ZW10: variants seen among roughly 807,000 people sequenced by gnomAD.
ZW10 encodes zw10 kinetochore protein.
Under a neutral mutation model 87.8 loss-of-function variants are expected in ZW10, and 53 were observed. The observed-to-expected ratio is 0.60, with a 90% CI of 0.48 to 0.76. ZW10 has a LOEUF of 0.76. ZW10 is among the 30% of genes least tolerant of loss of function. The pLI is 0.00. For missense variants in ZW10, 837 were observed against 923.0 expected (o/e 0.91, Z 1.21); for synonymous variants, 312 against 329.2 (o/e 0.95, Z 0.57).
At chr11:113,766,673 C>CAAAAAA (rs34081366) in intron 2 of ZW10, among the ~76,000 whole-genome samples, 4 of 27,624 alleles carry the variant, frequency 1.4e-4, no homozygotes, top group Non-Finnish European at 1.3e-4. Flanking sequence ...GACTCCATCT[C>CAAAAAA]AAAAAAAAAA....
In ZW10 at chr11:113,758,575, G is replaced by A. The variant is rs1430724336; in HGVS notation, c.712C>T (p.His238Tyr). The A allele has an allele frequency of 2.5e-6, 4 of 1,614,040 alleles. No homozygotes were observed. The highest frequency in any genetic ancestry group is 1.6e-4 in the Middle Eastern group (1 of 6,062). The change falls in exon 6 of 16, where the codon CAC (histidine) becomes TAC (tyrosine). Residue 238 changes from histidine (H) to tyrosine (Y), a missense_variant. By Grantham distance (83) the His-to-Tyr change is moderately conservative. Coordinates refer to ENST00000200135, the MANE Select transcript of ZW10 (RefSeq NM_004724.4). ...TTACCAAATGATTTAAGCTTGCTGT[G>A]TAGTTCTCCAAGAACAGAAAATGCC... Reference protein sequence around the residue: ...LLAFSVLGELHSKLKSFGQML... With the variant: ...LLAFSVLGELYSKLKSFGQML...
In ZW10 at chr11:113,738,350, G is replaced by A; in HGVS notation, c.1798C>T (p.Leu600Phe). 6.2e-7 allele frequency: 1 copy of A among 1,613,560 alleles called. No homozygotes were observed. Among genetic ancestry groups the A allele is most frequent in the South Asian group, 1.1e-5 (1 of 90,968 alleles). ...LAQMRAQKGE[L>F]LERLSSARNF... ...CTAGCACTTGATAATCTTTCCAGAA[G>A]TTCACCTTTCTGTGCCCGCATTTGG... Residue 600 changes from leucine to phenylalanine, a missense_variant, in exon 13 of 16, where the codon CTT (leucine) becomes TTT (phenylalanine). Coordinates refer to ENST00000200135, the MANE Select transcript of ZW10 (RefSeq NM_004724.4).
At chr11:113,748,205 C>G (rs1953700212) in intron 8 of ZW10, 52 bp downstream of exon 8, 3 of 1,475,822 alleles carry the variant, frequency 2.0e-6, no homozygotes, top group Middle Eastern at 1.8e-4. Context: ...CAAAAGACAG[C>G]AATAAGAAAC....
chr11:113,733,815 C>A lies in ZW10; in HGVS notation c.2220-1G>T. ...CAGGGGTCCTTTTCCATCTGCCCAC[C>A]TGCAAAACGAAAGATAGAGTTCCAT... On this transcript the variant is annotated splice_acceptor_variant, in intron 15 of 15. Coordinates refer to ENST00000200135, the MANE Select transcript of ZW10 (RefSeq NM_004724.4). LOFTEE classifies it high-confidence loss of function. 6.3e-7 allele frequency: 1 copy of A among 1,595,820 alleles called. No homozygotes were observed. Among genetic ancestry groups the A allele is most frequent in the Non-Finnish European group, 8.5e-7 (1 of 1,171,038 alleles).
intron 2 of ZW10, among the ~76,000 whole-genome samples, chr11:113,765,042 C>CA (rs1282358687): frequency 6.6e-6 from 1 of 152,110 alleles, no homozygotes; most frequent in Non-Finnish European, 1.5e-5. Context: ...TGGTTTGCAC[C>CA]ATGAGAGAGT....
rs775105302 is a variant in ZW10 at position 113,768,862 on chromosome 11, C to T, written c.211G>A (p.Asp71Asn). The T allele has an allele frequency of 3.3e-5, 54 of 1,614,038 alleles. No individual in the cohort carries two copies. The highest frequency in any genetic ancestry group is 4.3e-5 in the Non-Finnish European group (51 of 1,180,040). The change falls in exon 2 of 16, where the codon GAC becomes AAC. Residue 71 changes from aspartate to asparagine, a missense_variant. By Grantham distance (23) the Asp-to-Asn change is conservative. Coordinates refer to ENST00000200135, the MANE Select transcript of ZW10 (RefSeq NM_004724.4). ...CTCTCTATCCTGGATTTCAGCAGGTCAATGTCTTCAGATAGCTTATCCACC... is the reference window on the plus strand; with the variant it reads ...CTCTCTATCCTGGATTTCAGCAGGTTAATGTCTTCAGATAGCTTATCCACC... ...TQVDKLSEDI[D>N]LLKSRIESEV...
chr11:113,751,185 A>G (rs1953730543), intron 7 of ZW10: 2 of 247,032 alleles, frequency 8.1e-6, no homozygotes, highest in South Asian at 5.4e-5. Context: ...CATTGAGGCC[A>G]TATTTCCAGA....
intron 15 of ZW10, among the ~76,000 whole-genome samples, chr11:113,735,897 A>T (rs924357740): frequency 1.3e-5 from 2 of 152,188 alleles, no homozygotes; most frequent in Admixed American, 1.3e-4. Flanking sequence ...CAGGTCAATC[A>T]AACAGTAGTC....
intron 10 of ZW10, among the ~76,000 whole-genome samples, chr11:113,742,209 T>C (rs1953627150): frequency 1.3e-5 from 2 of 152,344 alleles, no homozygotes; most frequent in South Asian, 4.1e-4. Context: ...TTCTCCTTCT[T>C]ACCTCAATGC....
At chr11:113,765,387 A>G (rs1953899572) in intron 2 of ZW10, among the ~76,000 whole-genome samples, 1 of 152,208 alleles carries the variant, frequency 6.6e-6, no homozygotes, top group Non-Finnish European at 1.5e-5. Context: ...CAGTTGGGTG[A>G]GACCATGTCT....
At position 113,757,869 on chromosome 11, in the gene ZW10, A is replaced by G. The variant is rs1790719; in HGVS notation, c.734-16T>C. On this transcript the variant is annotated splice_polypyrimidine_tract_variant and intron_variant, in intron 6 of 15. Transcript: ENST00000200135. The stretch of plus-strand genomic sequence containing the variant: ...AGCATCTGACCTGAAAAATCATATG[A>G]ACATTCATCAAAAAATCACCATAAG... 1 of 1,569,180 alleles carries G rather than the reference A, an allele frequency of 6.4e-7. No homozygotes were observed.
chr11:113,734,011 A>G (rs1403611838), intron 15 of ZW10, among the ~76,000 whole-genome samples, 197 bp from the exon 16 acceptor site: 1 of 152,228 alleles, frequency 6.6e-6, no homozygotes, highest in African/African-American at 2.4e-5. Flanking sequence ...ACTGGTTATC[A>G]GCACAGCCAG....
chr11:113,761,006 G>A (rs1021483066), intron 2 of ZW10, 88 bp from the exon 3 acceptor site: 2 of 944,568 alleles, frequency 2.1e-6, no homozygotes, highest in South Asian at 3.2e-5. Flanking sequence ...GCTTTACTAG[G>A]TCAACATAAT....
At chr11:113,754,486 A>G (rs1953763157) in intron 7 of ZW10, among the ~76,000 whole-genome samples, 1 of 152,128 alleles carries the variant, frequency 6.6e-6, no homozygotes, top group South Asian at 2.1e-4. Flanking sequence ...CTCCATCTCA[A>G]AAAAATTCCC....
intron 15 of ZW10, among the ~76,000 whole-genome samples, chr11:113,735,305 G>A (rs1953539589): frequency 6.6e-6 from 1 of 152,116 alleles, no homozygotes; most frequent in African/African-American, 2.4e-5. Flanking sequence ...TTTAACAACA[G>A]AAAGAAAAAT....
At chr11:113,761,721 A>G (rs1248187076) in intron 2 of ZW10, among the ~76,000 whole-genome samples, 2 of 152,208 alleles carry the variant, frequency 1.3e-5, no homozygotes, top group Non-Finnish European at 2.9e-5. Context: ...TGTGAAATAT[A>G]TATTGACTGA....
chr11:113,753,204 G>C (rs1953751353), intron 7 of ZW10, among the ~76,000 whole-genome samples: 1 of 151,912 alleles, frequency 6.6e-6, no homozygotes, highest in Non-Finnish European at 1.5e-5. Flanking sequence ...ATAGGCCCCA[G>C]TGTGTGTTGT....
chr11:113,752,107 G>C (rs1270581862), intron 7 of ZW10, among the ~76,000 whole-genome samples: 2 of 152,196 alleles, frequency 1.3e-5, no homozygotes, highest in Admixed American at 6.5e-5. Context: ...CTCATTAGTT[G>C]AATCTGGAAG....
chr11:113,757,851 G>T lies in ZW10; in HGVS notation c.736C>A (p.Gln246Lys). The change falls in exon 7 of 16, where the codon CAG becomes AAG. Residue 246 changes from glutamine (Q) to lysine (K), a missense_variant and splice_region_variant. Gln to Lys is a moderately conservative substitution (Grantham distance 53). Transcript: ENST00000200135. ...ELHSKLKSFG[Q>K]MLLKYILRPL... Reference sequence around the variant, plus strand: ...CTAAGGATATACTTCAGCAGCATCTGACCTGAAAAATCATATGAACATTCA... The same window carrying T: ...CTAAGGATATACTTCAGCAGCATCTTACCTGAAAAATCATATGAACATTCA... 6.3e-7 allele frequency: 1 copy of T among 1,586,390 alleles called. No individual in the cohort carries two copies. Among genetic ancestry groups the T allele is most frequent in the South Asian group, 1.1e-5 (1 of 87,762 alleles).
Sources: allele counts gnomAD v4.1 joint callset (sites outside exome capture counted in the v4.1 genomes callset), GRCh38; gene constraint gnomAD v4.1.1; transcripts MANE v1.5; gene names NCBI Gene and HGNC (gene_info 2026-07-23, HGNC 2026-07-21).